The following CNTNAP5 variants were observed in gnomAD, a reference collection of about 807,000 sequenced individuals.
CNTNAP5 encodes contactin-associated protein-like 5.
Under a neutral mutation model 150.2 loss-of-function variants are expected in CNTNAP5, and 72 were observed. That is an observed-to-expected ratio of 0.48 (90% CI 0.40 to 0.58). The LOEUF (loss-of-function observed/expected upper bound fraction) is 0.58, where lower values mean the gene tolerates loss of function less well. Among genes scored for constraint, CNTNAP5 ranks in the 20% least tolerant of loss-of-function variants. The probability of loss-of-function intolerance (pLI) is 0.00; values close to 1 mark genes in which losing one functional copy is unlikely to be tolerated. For synonymous variants in CNTNAP5, 672 were observed against 619.8 expected (o/e 1.08, Z -1.25); for missense variants, 1,636 against 1,626.2 (o/e 1.01, Z -0.10).
At chr2:124,190,466 T>C (rs1293525269) in intron 1 of CNTNAP5, among the ~76,000 whole-genome samples, 2 of 152,170 alleles carry the variant, frequency 1.3e-5, no homozygotes, top group Non-Finnish European at 2.9e-5. Context: ...ACTGATCCTG[T>C]AGGATGCTTA....
intron 1 of CNTNAP5, among the ~76,000 whole-genome samples, chr2:124,144,627 T>C (rs1260290634): frequency 7.7e-6 from 1 of 129,432 alleles, no homozygotes; most frequent in African/African-American, 3.0e-5. Flanking sequence ...CCTTACACGT[T>C]ATACAAAAAT....
chr2:124,830,813 G>C (rs1183130239), intron 19 of CNTNAP5, among the ~76,000 whole-genome samples: 2 of 151,994 alleles, frequency 1.3e-5, no homozygotes, highest in African/African-American at 4.8e-5. Context: ...AGTTGAAAGA[G>C]AGAGTTATCA....
chr2:124,485,612 CAAA>C (rs576700912), intron 7 of CNTNAP5, among the ~76,000 whole-genome samples: 9 of 52,396 alleles, frequency 1.7e-4, no homozygotes, highest in African/African-American at 6.0e-4. Flanking sequence ...GACTCTGTCT[CAAA>C]AAAAAAAAAA....
chr2:124,865,041 A>T (rs1677601758), intron 19 of CNTNAP5, among the ~76,000 whole-genome samples: 1 of 151,402 alleles, frequency 6.6e-6, no homozygotes, highest in African/African-American at 2.4e-5. Context: ...TAGATGTTTT[A>T]TTTTCTAAAC....
At position 124,031,156 on chromosome 2, in the gene CNTNAP5, C is replaced by T. The variant is rs183942918; in HGVS notation, c.82+5424C>T. Reference sequence around the variant, plus strand: ...CGCTATACATACACACACACACACACACATGCCCAGAAATATTTTTCTCAG... The same window carrying T: ...CGCTATACATACACACACACACACATACATGCCCAGAAATATTTTTCTCAG... On this transcript the variant is annotated intron_variant, in intron 1 of 23. Transcript: ENST00000682447. 1.3e-3 allele frequency among the ~76,000 whole-genome samples: 194 copies of T among 152,158 alleles called. 1 individual carries two copies. Among genetic ancestry groups the T allele is most frequent in the Admixed American group, 9.8e-3 (149 of 15,260 alleles).
At chr2:124,881,132 T>C (rs1677955906) in intron 21 of CNTNAP5, among the ~76,000 whole-genome samples, 2 of 152,040 alleles carry the variant, frequency 1.3e-5, no homozygotes, top group South Asian at 4.2e-4. Flanking sequence ...TCAGAATCTA[T>C]TGTGTAGAGA....
chr2:124,244,495 G>A (rs1686969805), intron 3 of CNTNAP5, among the ~76,000 whole-genome samples: 1 of 152,114 alleles, frequency 6.6e-6, no homozygotes, highest in Admixed American at 6.5e-5. Context: ...GGCAGAGAAG[G>A]AAAGGCAGGG....
intron 1 of CNTNAP5, among the ~76,000 whole-genome samples, chr2:124,035,478 A>G (rs1043416168): frequency 2.0e-5 from 3 of 151,886 alleles, no homozygotes; most frequent in African/African-American, 7.3e-5. Flanking sequence ...AACTTTTACT[A>G]AATGTCTTGT....
At chr2:124,336,827 A>G (rs1263311078) in intron 3 of CNTNAP5, among the ~76,000 whole-genome samples, 1 of 152,128 alleles carries the variant, frequency 6.6e-6, no homozygotes, top group Non-Finnish European at 1.5e-5. Flanking sequence ...TAGTGCCGCA[A>G]TAAACATACT....
intron 19 of CNTNAP5, among the ~76,000 whole-genome samples, chr2:124,830,055 T>A (rs1682681372): frequency 6.6e-6 from 1 of 151,746 alleles, no homozygotes; most frequent in Non-Finnish European, 1.5e-5. Context: ...TTATGTGATT[T>A]ATAGCAATAA....
At chr2:124,419,908 C>CT (rs1229933288) in intron 4 of CNTNAP5, among the ~76,000 whole-genome samples, 1 of 113,986 alleles carries the variant, frequency 8.8e-6, no homozygotes, top group Non-Finnish European at 1.8e-5. Flanking sequence ...TTCTTTCTTT[C>CT]TTTCTTTCTT....
intron 21 of CNTNAP5, among the ~76,000 whole-genome samples, chr2:124,901,688 T>C (rs1472405671): frequency 6.6e-6 from 1 of 152,188 alleles, no homozygotes; most frequent in Admixed American, 6.5e-5. Context: ...TTAAAGTCAT[T>C]TAAGTTTGTG....
intron 13 of CNTNAP5, among the ~76,000 whole-genome samples, chr2:124,692,085 T>A (rs1679311496): frequency 6.6e-6 from 1 of 152,064 alleles, no homozygotes; most frequent in Non-Finnish European, 1.5e-5. Context: ...AAAGAAAGGA[T>A]GAAAAAGTTC....
intron 8 of CNTNAP5, 147 bp downstream of exon 8, chr2:124,504,703 ATTTTTTTT>A (rs34518488): frequency 2.0e-4 from 73 of 370,668 alleles, no homozygotes; most frequent in African/African-American, 1.3e-3. Flanking sequence ...AAGAGGCAGC[ATTTTTTTT>A]TTTTTTTTTT....
chr2:124,723,589 A>G (rs928777819), intron 13 of CNTNAP5, among the ~76,000 whole-genome samples: 6 of 152,310 alleles, frequency 3.9e-5, no homozygotes, highest in East Asian at 1.9e-4. Context: ...ACAAAATACC[A>G]TAGACTGAGT....
At chr2:124,400,950 C>A (rs1691407755) in intron 3 of CNTNAP5, among the ~76,000 whole-genome samples, 1 of 152,072 alleles carries the variant, frequency 6.6e-6, no homozygotes, top group African/African-American at 2.4e-5. Flanking sequence ...TGGCTCACTG[C>A]AACCTCCGCC....
chr2:124,878,328 C>T lies in CNTNAP5; in HGVS notation c.3436+8566C>T, dbSNP rs1254817872. Among the ~76,000 whole-genome samples, 4 of 151,998 alleles carry T rather than the reference C, an allele frequency of 2.6e-5. No homozygotes were observed. The East Asian group carries it at 5.8e-4, about 22-fold the overall frequency. On this transcript the variant is annotated intron_variant, in intron 21 of 23. Transcript: ENST00000682447. ...ATTACTAAATATTCCAAACTTCAGTCGTCTCAATTAGAACACAGGTATATG... is the reference window on the plus strand; with the variant it reads ...ATTACTAAATATTCCAAACTTCAGTTGTCTCAATTAGAACACAGGTATATG...
intron 3 of CNTNAP5, among the ~76,000 whole-genome samples, chr2:124,334,185 T>C (rs1237425269): frequency 1.3e-5 from 2 of 152,152 alleles, no homozygotes; most frequent in African/African-American, 2.4e-5. Context: ...GCTAAAGGCC[T>C]ATTTTTGATG....
chr2:124,362,584 C>G (rs1488504425), intron 3 of CNTNAP5, among the ~76,000 whole-genome samples: 1 of 152,148 alleles, frequency 6.6e-6, no homozygotes, highest in Non-Finnish European at 1.5e-5. Flanking sequence ...TCATGGATGT[C>G]AGTACATAAA....
Sources: allele counts gnomAD v4.1 joint callset (sites outside exome capture counted in the v4.1 genomes callset), GRCh38; gene constraint gnomAD v4.1.1; transcripts MANE v1.5; gene names NCBI Gene and HGNC (gene_info 2026-07-23, HGNC 2026-07-21).